The following STARD9 variants were observed in gnomAD, a reference collection of about 807,000 sequenced individuals.
The protein encoded by STARD9 is StAR related lipid transfer domain containing 9.
A neutral mutation model predicts 399.8 loss-of-function variants in STARD9; 346 were observed. The ratio of observed to expected loss-of-function variants is 0.87; its 90% CI spans 0.79 to 0.95. The LOEUF (loss-of-function observed/expected upper bound fraction) is 0.95. Ranked by LOEUF, STARD9 falls within the 40% of genes least tolerant of loss-of-function variation. STARD9 has a pLI of 0.00. For missense variants in STARD9, 5,832 were observed against 5,667.5 expected (o/e 1.03, Z -0.93); for synonymous variants, 2,203 against 2,143.5 (o/e 1.03, Z -0.77).
rs771369628 is a variant in STARD9 at position 42,685,769 on chromosome 15, A to G, written c.4191A>G (p.Lys1397=). 6.5e-7 allele frequency: 1 copy of G among 1,537,350 alleles called. No homozygotes were observed. The highest frequency in any genetic ancestry group is 1.2e-5 in the South Asian group (1 of 84,050). ...AAACGGTTCTGCCATATAGCTCCAA[A>G]CTGCACCAAGGCAGTACTGAGCTCC... ...DAETVLPYSS[K]LHQGSTELLC... Residue 1397 remains lysine (K), a synonymous_variant, in exon 23 of 33, where the codon AAA becomes AAG. Coordinates refer to ENST00000290607, the MANE Select transcript of STARD9 (RefSeq NM_020759.3).
At chr15:42,669,372 C>T (rs569184323) in intron 16 of STARD9, 35 bp downstream of exon 16, 1 of 1,471,058 alleles carries the variant, frequency 6.8e-7, no homozygotes, top group South Asian at 1.3e-5. Context: ...CTTCCTAAGC[C>T]ACTGGTTCCA....
intron 1 of STARD9, among the ~76,000 whole-genome samples, chr15:42,581,965 G>A (rs967907404): frequency 1.3e-5 from 2 of 151,966 alleles, no homozygotes; most frequent in African/African-American, 4.8e-5. Context: ...AATCTGTGTC[G>A]TCAACAACAA....
intron 3 of STARD9, among the ~76,000 whole-genome samples, chr15:42,591,487 TAA>T (rs58884115): frequency 4.4e-5 from 6 of 136,004 alleles, no homozygotes; most frequent in South Asian, 2.3e-4. Flanking sequence ...GAGTCCATCT[TAA>T]AAAAAAAAAA....
Position 42,674,463 on chromosome 15 carries a change from G to A in STARD9, c.1521G>A (p.Arg507=), listed in dbSNP as rs1025602474. 6.5e-7 allele frequency: 1 copy of A among 1,537,000 alleles called. No homozygotes were observed. Among genetic ancestry groups the A allele is most frequent in the African/African-American group, 1.4e-5 (1 of 73,006 alleles). Residue 507 remains arginine (R), a synonymous_variant, in exon 17 of 33, where the codon AGG becomes AGA. Transcript: ENST00000290607. ...HLKEGTTKIG[R]IDSDQEQDIV... ...AGGAAGGGACAACAAAAATAGGAAG[G>A]ATTGACTCAGACCAGGAACAGGACA...
At chr15:42,604,718 A>T (rs1322602966) in intron 3 of STARD9, among the ~76,000 whole-genome samples, 1 of 133,410 alleles carries the variant, frequency 7.5e-6, no homozygotes, top group African/African-American at 2.9e-5. Flanking sequence ...ATCTTAGTTC[A>T]CTGCAGCCTT....
At chr15:42,716,376 C>T (rs569813787) in intron 26 of STARD9, among the ~76,000 whole-genome samples, 1 of 152,234 alleles carries the variant, frequency 6.6e-6, no homozygotes, top group African/African-American at 2.4e-5. Context: ...TCCCTGGTAC[C>T]CCCTAGCTTG....
intron 3 of STARD9, among the ~76,000 whole-genome samples, chr15:42,616,890 CA>C (rs565991513): frequency 0.043 from 2,459 of 57,160 alleles, 48 homozygotes; most frequent in East Asian, 0.097. Flanking sequence ...GACTTCCTCT[CA>C]AAAAAAAAAA....
chr15:42,687,677 T>TG lies in STARD9; in HGVS notation c.6101dup (p.Lys2036GlufsTer4). The TG allele has an allele frequency of 6.5e-7, 1 of 1,537,096 alleles. No homozygotes were observed. Among genetic ancestry groups the TG allele is most frequent in the South Asian group, 1.2e-5 (1 of 84,054 alleles). The stretch of plus-strand genomic sequence containing the variant: ...TGTTAAATCCCAACAGAGAACCTTC[T>TG]GGAAAGAAACAGAATAAAAGAGTTA... On this transcript the variant is annotated frameshift_variant, in exon 23 of 33. Transcript: ENST00000290607. LOFTEE classifies it high-confidence loss of function.
At chr15:42,581,601 C>T in intron 1 of STARD9, 1 of 729,278 alleles carries the variant, frequency 1.4e-6, no homozygotes, top group Non-Finnish European at 2.3e-6. Flanking sequence ...TCCTCGCTCG[C>T]TTCCTCTAGT....
intron 20 of STARD9, among the ~76,000 whole-genome samples, chr15:42,679,543 C>T (rs2060383388): frequency 6.6e-6 from 1 of 152,200 alleles, no homozygotes; most frequent in Non-Finnish European, 1.5e-5. Context: ...CACTCCCATT[C>T]CCCCGGGCTA....
Position 42,687,916 on chromosome 15 carries a change from A to G in STARD9, c.6338A>G (p.Gln2113Arg), listed in dbSNP as rs1388602541. ...GGAAACCCTTTGCCCTCTAAGGATC[A>G]GCCATCTTCTCCAAGACAGACAGAT... is the stretch of plus-strand genomic sequence containing the variant. The part of the protein sequence containing the change: ...SSGNPLPSKD[Q>R]PSSPRQTDDT... The change falls in exon 23 of 33, where the codon CAG becomes CGG. Residue 2113 changes from glutamine to arginine, a missense_variant. Gln to Arg is a conservative substitution (Grantham distance 43). Around this residue, in one of 2 missense-constraint regions of STARD9, gnomAD observed 5,828 missense variants for 5,651.1 expected, o/e 1.03. Transcript: ENST00000290607. The G allele has an allele frequency of 2.0e-6, 3 of 1,537,306 alleles. No individual in the cohort carries two copies. The highest frequency in any genetic ancestry group is 2.6e-6 in the Non-Finnish European group (3 of 1,146,940).
rs372487180 is a variant in STARD9 at position 42,683,070 on chromosome 15, C to A, written c.2537+495C>A. Among the ~76,000 whole-genome samples the A allele has an allele frequency of 5.3e-5, 8 of 152,306 alleles. 1 individual carries two copies. In the South Asian group the frequency reaches 1.5e-3, roughly 28 times the overall value. ...GTTCAAGTTGGGACCTTCCTTGTTTCTTTTCTCCATTACTTCTTACATGCC... is the reference window on the plus strand; with the variant it reads ...GTTCAAGTTGGGACCTTCCTTGTTTATTTTCTCCATTACTTCTTACATGCC... On this transcript the variant is annotated intron_variant, in intron 22 of 32. Coordinates refer to ENST00000290607, the MANE Select transcript of STARD9 (RefSeq NM_020759.3).
intron 15 of STARD9, 144 bp from the exon 16 acceptor site, chr15:42,669,014 G>C: frequency 1.7e-6 from 1 of 590,322 alleles, no homozygotes; most frequent in Non-Finnish European, 2.6e-6. Flanking sequence ...GGAGGTACAA[G>C]GGCTTCTGTG....
chr15:42,598,013 T>TGTGTGC (rs2058547240), intron 3 of STARD9, among the ~76,000 whole-genome samples: 1 of 147,658 alleles, frequency 6.8e-6, no homozygotes. Context: ...TGTGTGTGTG[T>TGTGTGC]GTGTGTGTGT....
At chr15:42,627,856 C>T in intron 3 of STARD9, among the ~76,000 whole-genome samples, 1 of 152,216 alleles carries the variant, frequency 6.6e-6, no homozygotes, top group East Asian at 1.9e-4. Flanking sequence ...GCTTCCAAAT[C>T]CTCACTATTG....
At chr15:42,653,637 A>G (rs1231080496) in intron 9 of STARD9, among the ~76,000 whole-genome samples, 1 of 152,060 alleles carries the variant, frequency 6.6e-6, no homozygotes, top group Non-Finnish European at 1.5e-5. Context: ...AAAAACTGGC[A>G]ATAAGAACAT....
At chr15:42,607,340 C>T (rs1030737215) in intron 3 of STARD9, among the ~76,000 whole-genome samples, 2 of 151,170 alleles carry the variant, frequency 1.3e-5, no homozygotes, top group Non-Finnish European at 2.9e-5. Context: ...GTAGCTGGGA[C>T]TACAGGCATG....
chr15:42,708,877 G>C (rs148872709), intron 26 of STARD9, among the ~76,000 whole-genome samples: 41 of 152,002 alleles, frequency 2.7e-4, no homozygotes, highest in African/African-American at 9.6e-4. Flanking sequence ...CCCTTCTGAA[G>C]GTTGACAGAT....
chr15:42,695,679 AG>A, intron 25 of STARD9, 63 bp from the exon 26 acceptor site: 2 of 1,493,972 alleles, frequency 1.3e-6, no homozygotes, highest in Non-Finnish European at 1.8e-6. Context: ...GGGTAGGAAA[AG>A]GCGTGGCCTG....
Sources: allele counts gnomAD v4.1 joint callset (sites outside exome capture counted in the v4.1 genomes callset), GRCh38; gene constraint gnomAD v4.1.1; regional missense constraint gnomAD v4.1.1; transcripts MANE v1.5; gene names NCBI Gene and HGNC (gene_info 2026-07-23, HGNC 2026-07-21).